Variants in TRIM37 observed in about 807,000 individuals in gnomAD.
TRIM37 encodes the protein E3 ubiquitin-protein ligase TRIM37.
Under a neutral mutation model 129.8 loss-of-function variants are expected in TRIM37, and 80 were observed. The observed-to-expected ratio is 0.62, with a 90% confidence interval of 0.51 to 0.74. The LOEUF (loss-of-function observed/expected upper bound fraction) is 0.74, where lower values mean the gene tolerates loss of function less well. Ranked by LOEUF, TRIM37 falls within the 30% of genes least tolerant of loss-of-function variation. The pLI, the probability that TRIM37 is intolerant of heterozygous loss-of-function variation, is 0.00. For synonymous variants in TRIM37, 389 were observed against 387.1 expected, an observed-to-expected ratio of 1.00 and a Z score of -0.06; for missense variants, 1,054 against 1,176.5, an observed-to-expected ratio of 0.90 and a Z score of 1.52.
At chr17:59,091,215 C>A (rs998771305) in intron 3 of TRIM37, 85 bp downstream of exon 3, 120 of 964,022 alleles carry the variant, frequency 1.2e-4, no homozygotes, top group Non-Finnish European at 1.8e-4. Flanking sequence ...GGGCAGACTG[C>A]AGGAAAACTG....
intron 24 of TRIM37, chr17:58,984,049 G>A (rs895217012): frequency 6.6e-6 from 1 of 152,566 alleles, no homozygotes; most frequent in Non-Finnish European, 1.5e-5. Flanking sequence ...TCCCATTTAG[G>A]TCTGTACTAA....
At chr17:59,058,270 TAACA>T (rs1345733965) in intron 12 of TRIM37, among the ~76,000 whole-genome samples, 5 of 152,216 alleles carry the variant, frequency 3.3e-5, no homozygotes, top group African/African-American at 1.2e-4. Context: ...CTCAGCAAAC[TAACA>T]CAGGAACAGA....
At chr17:59,027,093 C>G (rs2037329347) in intron 19 of TRIM37, among the ~76,000 whole-genome samples, 1 of 152,112 alleles carries the variant, frequency 6.6e-6, no homozygotes, top group African/African-American at 2.4e-5. Flanking sequence ...ACTATTGACT[C>G]CCAACTGTTT....
rs112123661 is a variant in TRIM37 at position 59,089,822 on chromosome 17, G to A, written c.165-1415C>T. ...TAAGATAATGTAAGAAAGGTGGGACGAGGCACAGTGGTTCACGCTGCAATC... is the reference window on the plus strand; with the variant it reads ...TAAGATAATGTAAGAAAGGTGGGACAAGGCACAGTGGTTCACGCTGCAATC... On this transcript the variant is annotated intron_variant, in intron 3 of 23. Transcript: ENST00000262294. Among the ~76,000 whole-genome samples, 423 of 152,192 alleles carry A rather than the reference G, an allele frequency of 2.8e-3. 2 individuals carry two copies. The highest frequency in any genetic ancestry group is 3.9e-3 in the Admixed American group (60 of 15,268).
chr17:59,092,871 A>G (rs1301299860), intron 2 of TRIM37, among the ~76,000 whole-genome samples: 1 of 152,190 alleles, frequency 6.6e-6, no homozygotes, highest in East Asian at 1.9e-4. Flanking sequence ...TAAAGCTGAA[A>G]GAAAAAGCAT....
At chr17:59,051,868 CTACAGGCGCCCGCCA>C (rs1459460106) in intron 13 of TRIM37, among the ~76,000 whole-genome samples, 9 of 151,694 alleles carry the variant, frequency 5.9e-5, no homozygotes, top group African/African-American at 2.2e-4. Context: ...GTAGCTGGGA[CTACAGGCGCCCGCCA>C]CTACGCCCGG....
rs184112132 is a variant in TRIM37 at position 59,100,669 on chromosome 17, G to A, written c.123+3624C>T. Among the ~76,000 whole-genome samples the A allele has an allele frequency of 3.4e-3, 523 of 152,280 alleles. 3 individuals are homozygous for A. The highest frequency in any genetic ancestry group is 5.7e-3 in the Non-Finnish European group (386 of 68,032). On this transcript the variant is annotated intron_variant, in intron 2 of 23. Transcript: ENST00000262294. ...GAGGCACAAGGAAACTTTTGGGGAT[G>A]ACAGATATATTCACTAACTTGGATG...
intron 13 of TRIM37, among the ~76,000 whole-genome samples, chr17:59,053,309 T>G (rs2040528031): frequency 6.6e-6 from 1 of 152,166 alleles, no homozygotes; most frequent in African/African-American, 2.4e-5. Flanking sequence ...CATACAAAAT[T>G]CCACCAGAAT....
At chr17:59,043,376 CA>C (rs1277308108) in intron 16 of TRIM37, among the ~76,000 whole-genome samples, 2 of 152,046 alleles carry the variant, frequency 1.3e-5, no homozygotes, top group Non-Finnish European at 2.9e-5. Flanking sequence ...AACATCTACT[CA>C]AAAAAATCTA....
the TRIM37 span, among the ~76,000 whole-genome samples, chr17:58,967,719 T>C: frequency 6.6e-6 from 1 of 152,022 alleles, no homozygotes; most frequent in South Asian, 2.1e-4. Context: ...TTCCTTTTGT[T>C]TCTTGTGGTG....
chr17:59,067,299 T>A (rs1282391276), intron 9 of TRIM37, among the ~76,000 whole-genome samples: 2 of 152,180 alleles, frequency 1.3e-5, no homozygotes, highest in African/African-American at 4.8e-5. Context: ...AATTTTCTCC[T>A]CCTCTCTTAG....
rs562563177 is a variant in TRIM37, at chr17:59,043,850, T to C, written c.1668-1952A>G. Among the ~76,000 whole-genome samples the C allele has an allele frequency of 2.0e-5, 3 of 152,342 alleles. No individual in the cohort carries two copies. The South Asian group carries it at 6.2e-4, about 32-fold the overall frequency. ...TTTATCCTTACTCCAACTTCAAAGC[T>C]TTGGCTCAGAGATTTTGCCTATGGG... is the stretch of plus-strand genomic sequence containing the variant. On this transcript the variant is annotated intron_variant, in intron 16 of 23. Coordinates refer to ENST00000262294, the MANE Select transcript of TRIM37 (RefSeq NM_015294.6).
At chr17:59,052,961 T>TC (rs985943960) in intron 13 of TRIM37, among the ~76,000 whole-genome samples, 1 of 138,966 alleles carries the variant, frequency 7.2e-6, no homozygotes, top group African/African-American at 3.0e-5. Context: ...TCTCAAAAAA[T>TC]CAAATCAAAT....
chr17:58,972,309 C>T, the TRIM37 span: 1 of 1,576,714 alleles, frequency 6.3e-7, no homozygotes, highest in Non-Finnish European at 8.6e-7. Context: ...AGCCCATGCT[C>T]TAGTTATTAG....
At chr17:59,104,504 AT>A in intron 1 of TRIM37, 110 bp from the exon 2 acceptor site, 1 of 936,206 alleles carries the variant, frequency 1.1e-6, no homozygotes, top group Non-Finnish European at 1.8e-6. Flanking sequence ...TGATCTCTCA[AT>A]TTTAACTATT....
At chr17:59,088,616 A>C (rs1047450557) in intron 3 of TRIM37, among the ~76,000 whole-genome samples, 7 of 151,926 alleles carry the variant, frequency 4.6e-5, no homozygotes, top group African/African-American at 1.7e-4. Context: ...TCCTAGGCTC[A>C]AGCGATCCTC....
chr17:59,035,739 TCAAAAAAA>T (rs914931682), intron 17 of TRIM37, among the ~76,000 whole-genome samples: 38 of 150,456 alleles, frequency 2.5e-4, no homozygotes, highest in African/African-American at 8.1e-4. Context: ...AGAGCGAGAT[TCAAAAAAA>T]CAAAAAAACA....
downstream of TRIM37, among the ~76,000 whole-genome samples, chr17:58,994,855 T>C (rs2032824870): frequency 1.3e-5 from 2 of 151,928 alleles, no homozygotes; most frequent in Admixed American, 6.6e-5. Context: ...GTTTAAGCGA[T>C]TCTCCTGCCT....
intron 2 of TRIM37, among the ~76,000 whole-genome samples, chr17:59,094,932 C>T (rs1387626698): frequency 6.6e-6 from 1 of 152,074 alleles, no homozygotes; most frequent in Non-Finnish European, 1.5e-5. Flanking sequence ...AAGTCATGGA[C>T]CAGTCGGGTG....
Sources: allele counts gnomAD v4.1 joint callset (sites outside exome capture counted in the v4.1 genomes callset), GRCh38; gene constraint gnomAD v4.1.1; transcripts MANE v1.5; gene names NCBI Gene and HGNC (gene_info 2026-07-23, HGNC 2026-07-21).